GLB1L2: variants seen among roughly 807,000 people sequenced by gnomAD.
GLB1L2 encodes beta-galactosidase-1-like protein 2.
In GLB1L2, 68 loss-of-function variants were observed where a neutral mutation model predicts 84.1. That is an observed-to-expected ratio of 0.81 (90% CI 0.67 to 0.99). The LOEUF is 0.99. Among genes scored for constraint, GLB1L2 ranks in the 50% least tolerant of loss-of-function variants. The pLI is 0.00. For synonymous variants in GLB1L2, 290 were observed against 318.0 expected, an observed-to-expected ratio of 0.91 and a Z score of 0.94; for missense variants, 762 against 805.6, an observed-to-expected ratio of 0.95 and a Z score of 0.66.
chr11:134,358,320 C>T (rs568820725), intron 6 of GLB1L2, among the ~76,000 whole-genome samples: 13 of 152,380 alleles, frequency 8.5e-5, no homozygotes, highest in East Asian at 3.9e-4. Context: ...CTTGACTTCA[C>T]GCCTCCGAGG....
In GLB1L2 at chr11:134,362,313, G is replaced by GTTCCCTTCCCCGGCGCTGCCCGCC. The variant is rs1161644328; in HGVS notation, c.734-1992_734-1991insCTTCCCTTCCCCGGCGCTGCCCGC. On this transcript the variant is annotated intron_variant, in intron 7 of 18. Transcript: ENST00000535456. ...TGCTTTTTACAAAAGCGCTGCCCGC[G>GTTCCCTTCCCCGGCGCTGCCCGCC]TTCCCTTCCCCGGCGCTGCCCGCGT... 3.3e-4 allele frequency among the ~76,000 whole-genome samples: 50 copies of GTTCCCTTCCCCGGCGCTGCCCGCC among 150,124 alleles called. No individual in the cohort carries two copies. The East Asian group carries it at 6.7e-3, about 20-fold the overall frequency.
intron 1 of GLB1L2, among the ~76,000 whole-genome samples, chr11:134,333,637 G>A (rs935411538): frequency 1.3e-5 from 2 of 152,172 alleles, no homozygotes; most frequent in African/African-American, 4.8e-5. Context: ...AGGAGGCTGA[G>A]GGTTTGTTAT....
chr11:134,368,610 A>G, intron 9 of GLB1L2, 34 bp from the exon 10 acceptor site: 1 of 1,612,064 alleles, frequency 6.2e-7, no homozygotes, highest in Non-Finnish European at 8.5e-7. Context: ...ACTTTAACTC[A>G]CTCTGCACAT....
At chr11:134,371,205 C>T (rs919837286) in intron 13 of GLB1L2, 57 bp downstream of exon 13, 11 of 1,584,126 alleles carry the variant, frequency 6.9e-6, no homozygotes, top group South Asian at 2.2e-5. Context: ...CTGCAATAGG[C>T]GTCTCATGCC....
At position 134,334,507 on chromosome 11, in the gene GLB1L2, C is replaced by G. The variant is rs939914025; in HGVS notation, c.86+2360C>G. On this transcript the variant is annotated intron_variant, in intron 1 of 18. Transcript: ENST00000535456. The surrounding 1 kb of genome is among the most constrained non-coding windows in gnomAD (Gnocchi z 4.1). Reference sequence around the variant, plus strand: ...AACAGTGGTCTTTCTTAAAAATTACCTTTATTGGAGTTTAATTAATATGTA... The same window carrying G: ...AACAGTGGTCTTTCTTAAAAATTACGTTTATTGGAGTTTAATTAATATGTA... Among the ~76,000 whole-genome samples, 1 of 151,554 alleles carries G rather than the reference C, an allele frequency of 6.6e-6. No homozygotes were observed. Among genetic ancestry groups the G allele is most frequent in the Non-Finnish European group, 1.5e-5 (1 of 67,896 alleles).
intron 7 of GLB1L2, among the ~76,000 whole-genome samples, chr11:134,364,021 G>A (rs1162041021): frequency 1.3e-5 from 2 of 152,158 alleles, no homozygotes; most frequent in Non-Finnish European, 1.5e-5. Flanking sequence ...GGGATTACAG[G>A]CATGCACCAC....
Position 134,366,123 on chromosome 11 carries a change from G to T in GLB1L2, c.805-1134G>T, listed in dbSNP as rs112830683. ...TGTGCAGTGCAGTGGCCTGGCCCAT[G>T]GGTGGACACCCACCTCCGCAGCTCT... On this transcript the variant is annotated intron_variant, in intron 8 of 18. Coordinates refer to ENST00000535456, the MANE Select transcript of GLB1L2 (RefSeq NM_001370461.1). 6.8e-4 allele frequency among the ~76,000 whole-genome samples: 103 copies of T among 152,326 alleles called. 1 individual carries two copies. The highest frequency in any genetic ancestry group is 2.2e-3 in the African/African-American group (92 of 41,578).
chr11:134,334,885 G>A lies in GLB1L2; in HGVS notation c.86+2738G>A, dbSNP rs973862581. Among the ~76,000 whole-genome samples the A allele has an allele frequency of 3.9e-5, 6 of 152,064 alleles. No individual in the cohort carries two copies. Among genetic ancestry groups the A allele is most frequent in the African/African-American group, 1.4e-4 (6 of 41,400 alleles). On this transcript the variant is annotated intron_variant, in intron 1 of 18. Coordinates refer to ENST00000535456, the MANE Select transcript of GLB1L2 (RefSeq NM_001370461.1). This position sits in a 1 kb window ranked among gnomAD's most constrained non-coding sequence, Gnocchi z 4.1. ...CATTCTCTTCCTATTCGCACTCCAT[G>A]AACACAAGAATGCCTGCTTGATATT...
At chr11:134,358,635 C>T (rs1424263074) in intron 6 of GLB1L2, among the ~76,000 whole-genome samples, 1 of 152,276 alleles carries the variant, frequency 6.6e-6, no homozygotes, top group Non-Finnish European at 1.5e-5. Flanking sequence ...AGGGACAGGC[C>T]TGTTGCTTGT....
intron 4 of GLB1L2, among the ~76,000 whole-genome samples, chr11:134,346,025 G>A (rs761055556): frequency 6.6e-6 from 1 of 152,066 alleles, no homozygotes; most frequent in Non-Finnish European, 1.5e-5. Context: ...GTTAACTGGT[G>A]TAACCTTTCT....
Position 134,334,070 on chromosome 11 carries a change from CAGG to C in GLB1L2, c.86+1929_86+1931del, listed in dbSNP as rs1477467046. On this transcript the variant is annotated intron_variant, in intron 1 of 18. Transcript: ENST00000535456. This position sits in a 1 kb window ranked among gnomAD's most constrained non-coding sequence, Gnocchi z 4.1. ...TGAGTTGCTGTAATATCTCTGGAGG[CAGG>C]AGGAGAACATCCTCTTTGTCTTTCC... 6.6e-6 allele frequency among the ~76,000 whole-genome samples: 1 copy of C among 152,140 alleles called. No homozygotes were observed. Among genetic ancestry groups the C allele is most frequent in the Admixed American group, 6.5e-5 (1 of 15,278 alleles).
intron 7 of GLB1L2, among the ~76,000 whole-genome samples, chr11:134,362,109 C>T (rs902145205): frequency 6.6e-6 from 1 of 152,190 alleles, no homozygotes; most frequent in Non-Finnish European, 1.5e-5. Flanking sequence ...AGATTGTCTA[C>T]GTCTTTTCTG....
intron 10 of GLB1L2, 142 bp downstream of exon 10, chr11:134,368,923 C>G: frequency 1.2e-6 from 1 of 855,548 alleles, no homozygotes. Context: ...CTTGCCTGGA[C>G]AGTCATGTTA....
At chr11:134,356,827 G>A (rs1943709441) in intron 6 of GLB1L2, among the ~76,000 whole-genome samples, 1 of 152,208 alleles carries the variant, frequency 6.6e-6, no homozygotes. Flanking sequence ...GTTTCAGTGT[G>A]TAGGGAAGGC....
chr11:134,364,395 C>T lies in GLB1L2; in HGVS notation c.801C>T (p.Val267=). The change falls in exon 8 of 19, where the codon GTC becomes GTT. Residue 267 remains valine, a synonymous_variant. Transcript: ENST00000535456. The part of the protein sequence containing the change: ...LQLLTTFLFN[V]QGTQPKMVME... ...TACTGACCACCTTTCTCTTCAACGT[C>T]CAGGTAAGTCCAGCCCCAGGGAAGC... The T allele has an allele frequency of 6.2e-7, 1 of 1,613,270 alleles. No individual in the cohort carries two copies. Among genetic ancestry groups the T allele is most frequent in the Non-Finnish European group, 8.5e-7 (1 of 1,179,296 alleles).
At chr11:134,351,013 C>T (rs1360993728) in intron 5 of GLB1L2, among the ~76,000 whole-genome samples, 1 of 152,162 alleles carries the variant, frequency 6.6e-6, no homozygotes, top group East Asian at 1.9e-4. Context: ...AACTTGGTTG[C>T]CTTTATTTTT....
intron 1 of GLB1L2, among the ~76,000 whole-genome samples, chr11:134,332,962 GC>G (rs1383091450): frequency 6.6e-6 from 1 of 152,214 alleles, no homozygotes; most frequent in Non-Finnish European, 1.5e-5. Context: ...AAGCCGACCG[GC>G]AGTATCGAAT....
In GLB1L2 at chr11:134,342,950, A is replaced by C; in HGVS notation, c.283A>C (p.Thr95Pro). 1 of 1,608,720 alleles carries C rather than the reference A, an allele frequency of 6.2e-7. No homozygotes were observed. Among genetic ancestry groups the C allele is most frequent in the Non-Finnish European group, 8.5e-7 (1 of 1,176,436 alleles). The change falls in exon 2 of 19, where the codon ACC becomes CCC. Residue 95 changes from threonine (T) to proline (P), a missense_variant and splice_region_variant. Transcript: ENST00000535456. ...GGCCTGTGGCTTGAACACCCTCACC[A>C]CGTAGGTGCTGCCCCTGTCCCCCCG... ...MKACGLNTLT[T>P]YVPWNLHEPE...
chr11:134,332,284 C>T, intron 1 of GLB1L2, 137 bp downstream of exon 1: 1 of 585,294 alleles, frequency 1.7e-6, no homozygotes, highest in South Asian at 2.1e-5. Flanking sequence ...CTGGGAGCTC[C>T]CCAATACCCC....
Sources: allele counts gnomAD v4.1 joint callset (sites outside exome capture counted in the v4.1 genomes callset), GRCh38; gene constraint gnomAD v4.1.1; non-coding constraint Gnocchi (gnomAD v3.1); transcripts MANE v1.5; gene names NCBI Gene and HGNC (gene_info 2026-07-23, HGNC 2026-07-21).